PLPPR5: variants seen among roughly 807,000 people sequenced by gnomAD.
PLPPR5 encodes phospholipid phosphatase related 5.
In PLPPR5, 16 loss-of-function variants were observed where a neutral mutation model predicts 33.9. The ratio of observed to expected loss-of-function variants is 0.47; its 90% CI spans 0.32 to 0.72. The LOEUF (loss-of-function observed/expected upper bound fraction) is 0.72. Ranked by LOEUF, PLPPR5 falls within the 30% of genes least tolerant of loss-of-function variation. The pLI is 0.03. For missense variants in PLPPR5, 301 were observed against 406.7 expected (o/e 0.74, Z 2.23); for synonymous variants, 163 against 150.3 (o/e 1.08, Z -0.62).
chr1:98,923,154 G>A (rs976879252), intron 3 of PLPPR5, among the ~76,000 whole-genome samples: 4 of 152,232 alleles, frequency 2.6e-5, no homozygotes, highest in East Asian at 3.9e-4. Context: ...GAGCCACTAC[G>A]CTCAAGAATA....
chr1:98,928,947 A>G (rs1649865256), intron 3 of PLPPR5, among the ~76,000 whole-genome samples: 1 of 152,184 alleles, frequency 6.6e-6, no homozygotes, highest in Non-Finnish European at 1.5e-5. Context: ...TCTAATTATC[A>G]TAATGGCTAC....
chr1:98,962,664 A>G (rs1651288776), intron 1 of PLPPR5, among the ~76,000 whole-genome samples: 1 of 152,024 alleles, frequency 6.6e-6, no homozygotes, highest in Non-Finnish European at 1.5e-5. Context: ...CTTTTTCTGG[A>G]GACAGGGTCT....
At chr1:98,933,680 C>T (rs1570710691) in intron 3 of PLPPR5, among the ~76,000 whole-genome samples, 1 of 152,026 alleles carries the variant, frequency 6.6e-6, no homozygotes, top group African/African-American at 2.4e-5. Flanking sequence ...CATCTAGCTC[C>T]GAAACCTGAG....
At chr1:98,997,865 A>C (rs1652683467) in intron 1 of PLPPR5, among the ~76,000 whole-genome samples, 1 of 152,204 alleles carries the variant, frequency 6.6e-6, no homozygotes, top group Admixed American at 6.5e-5. Flanking sequence ...AGCACTGAAA[A>C]GTAGGAAGAA....
In PLPPR5 at chr1:98,915,033, A is replaced by G. The variant is rs866769204; in HGVS notation, c.799-113T>C. On this transcript the variant is annotated intron_variant, in intron 4 of 5. Transcript: ENST00000263177. The stretch of plus-strand genomic sequence containing the variant: ...GTAAGAAAGTATTAAAATTACTTAA[A>G]TGTTACACGTATATGAATTTATATC... 4.5e-6 allele frequency: 4 copies of G among 893,480 alleles called. No individual in the cohort carries two copies. In the Middle Eastern group the frequency reaches 7.0e-4, roughly 156 times the overall value. 55.3% of individuals were successfully genotyped at this position (893,480 alleles called of 1,614,324 possible). A position where few individuals can be genotyped will look rare whatever the true frequency, so the allele number is the denominator to read the frequency against.
chr1:98,987,687 G>A lies in PLPPR5; in HGVS notation c.237+16748C>T, dbSNP rs80200680. 6.1e-3 allele frequency among the ~76,000 whole-genome samples: 927 copies of A among 151,968 alleles called. 14 individuals are homozygous for A. The highest frequency in any genetic ancestry group is 0.022 in the African/African-American group (900 of 41,512). ...TAACTTTAGATCACACCATGGGACT[G>A]GGTAAGAATTTCTATCACTCTAATG... On this transcript the variant is annotated intron_variant, in intron 1 of 5. Coordinates refer to ENST00000263177, the MANE Select transcript of PLPPR5 (RefSeq NM_001037317.2).
intron 3 of PLPPR5, among the ~76,000 whole-genome samples, chr1:98,951,622 G>T (rs1411022842): frequency 1.3e-5 from 2 of 152,128 alleles, no homozygotes; most frequent in Non-Finnish European, 2.9e-5. Context: ...ATACTCTATG[G>T]TTCTAAAATT....
chr1:98,900,918 T>C (rs1167152021), intron 5 of PLPPR5, among the ~76,000 whole-genome samples: 1 of 152,144 alleles, frequency 6.6e-6, no homozygotes, highest in Non-Finnish European at 1.5e-5. Context: ...CACAGATAAC[T>C]TGAAAAATGT....
intron 3 of PLPPR5, among the ~76,000 whole-genome samples, chr1:98,924,786 C>T (rs568373591): frequency 8.5e-5 from 13 of 152,266 alleles, no homozygotes; most frequent in Non-Finnish European, 1.5e-4. Context: ...AGCCCATAGA[C>T]AGTCTAGCCA....
chr1:99,001,586 T>C (rs1002122676), intron 1 of PLPPR5, among the ~76,000 whole-genome samples: 2 of 149,352 alleles, frequency 1.3e-5, no homozygotes, highest in African/African-American at 4.9e-5. Flanking sequence ...TTAGCAAGTA[T>C]GAAACAAATC....
chr1:98,949,443 C>T (rs757207877), intron 3 of PLPPR5, among the ~76,000 whole-genome samples: 5 of 152,164 alleles, frequency 3.3e-5, no homozygotes, highest in Non-Finnish European at 7.4e-5. Flanking sequence ...TTATTATTTA[C>T]GTACTCCATA....
chr1:98,890,920 C>A lies in PLPPR5; in HGVS notation c.*2152G>T, dbSNP rs1227216604. 1 of 152,298 alleles carries A rather than the reference C, an allele frequency of 6.6e-6. No homozygotes were observed. Among genetic ancestry groups the A allele is most frequent in the African/African-American group, 2.4e-5 (1 of 41,552 alleles). 9.4% of individuals were successfully genotyped at this position (152,298 alleles called of 1,614,324 possible). A position where few individuals can be genotyped will look rare whatever the true frequency, so the allele number is the denominator to read the frequency against. On this transcript the variant is annotated 3_prime_UTR_variant, in exon 6 of 6. Coordinates refer to ENST00000263177, the MANE Select transcript of PLPPR5 (RefSeq NM_001037317.2). ...TCAGGTTTAGCAAGGTGCAAAGAAG[C>A]AACCTTGACATAAGAATATATGGCT...
chr1:98,894,415 C>T (rs1175542839), intron 5 of PLPPR5, among the ~76,000 whole-genome samples: 1 of 152,046 alleles, frequency 6.6e-6, no homozygotes, highest in African/African-American at 2.4e-5. Context: ...GGAAATAATA[C>T]ATCACAGTTT....
rs752186329 is a variant in PLPPR5 at position 98,956,647 on chromosome 1, T to C, written c.332A>G (p.Tyr111Cys). Residue 111 changes from tyrosine (Y) to cysteine (C), a missense_variant, in exon 2 of 6, where the codon TAT (tyrosine) becomes TGT (cysteine). Transcript: ENST00000263177. ...AGTTCGGCGCACCAGCGGGTTTATA[T>C]AGCAACAGTCTCCAGTTAAAATAGT... ...EKTILTGDCC[Y>C]INPLVRRTVR... 27 of 1,602,284 alleles carry C rather than the reference T, an allele frequency of 1.7e-5. No homozygotes were observed. The highest frequency in any genetic ancestry group is 3.4e-5 in the South Asian group (3 of 88,318).
Position 98,948,371 on chromosome 1 carries a change from A to G in PLPPR5, c.621+4699T>C, listed in dbSNP as rs964370628. Among the ~76,000 whole-genome samples, 23 of 152,290 alleles carry G rather than the reference A, an allele frequency of 1.5e-4. 1 individual carries two copies. The highest frequency in any genetic ancestry group is 1.4e-3 in the Admixed American group (22 of 15,294). On this transcript the variant is annotated intron_variant, in intron 3 of 5. Coordinates refer to ENST00000263177, the MANE Select transcript of PLPPR5 (RefSeq NM_001037317.2). Reference sequence around the variant, plus strand: ...TAATGCCAACGATTGGCCACCAATGAGGAAGGGGAGAGAGGGAATGATATT... The same window carrying G: ...TAATGCCAACGATTGGCCACCAATGGGGAAGGGGAGAGAGGGAATGATATT...
chr1:98,982,006 G>C (rs960319861), intron 1 of PLPPR5, among the ~76,000 whole-genome samples: 5 of 152,032 alleles, frequency 3.3e-5, no homozygotes, highest in African/African-American at 9.6e-5. Context: ...ACTCTCCAAG[G>C]AAAGAAACTT....
At chr1:98,984,322 C>A (rs1412021744) in intron 1 of PLPPR5, among the ~76,000 whole-genome samples, 2 of 152,000 alleles carry the variant, frequency 1.3e-5, no homozygotes, top group Non-Finnish European at 2.9e-5. Context: ...CTAAGGGAAC[C>A]AAGATTCAAT....
intron 1 of PLPPR5, among the ~76,000 whole-genome samples, chr1:98,969,183 G>A (rs532377271): frequency 6.8e-6 from 1 of 147,984 alleles, no homozygotes; most frequent in Non-Finnish European, 1.5e-5. Flanking sequence ...CAGGGAACAC[G>A]CAAAAGTAAA....
intron 1 of PLPPR5, 40 bp downstream of exon 1, chr1:99,004,395 T>C: frequency 6.6e-7 from 1 of 1,526,338 alleles, no homozygotes. Context: ...AGGGGCGAGA[T>C]CAGGGACTCG....
Sources: gnomAD v4.1 joint callset for allele counts (sites outside exome capture counted in the v4.1 genomes callset) on GRCh38, gnomAD v4.1.1 for gene constraint, MANE v1.5 for transcripts, NCBI Gene and HGNC (gene_info 2026-07-23, HGNC 2026-07-21) for gene names.